The following DENND1A variants were observed in gnomAD, a reference collection of about 807,000 sequenced individuals.
DENND1A encodes the protein DENN domain containing 1A.
A neutral mutation model predicts 113.7 loss-of-function variants in DENND1A; 51 were observed. The observed-to-expected ratio is 0.45, with a 90% CI of 0.36 to 0.57. The LOEUF (loss-of-function observed/expected upper bound fraction) is 0.57, where lower values mean the gene tolerates loss of function less well. Among genes scored for constraint, DENND1A ranks in the 20% least tolerant of loss-of-function variants. DENND1A has a pLI of 0.00. For synonymous variants in DENND1A, 565 were observed against 570.8 expected, an observed-to-expected ratio of 0.99 and a Z score of 0.14; for missense variants, 1,258 against 1,395.9, an observed-to-expected ratio of 0.90 and a Z score of 1.57.
At chr9:123,868,058 A>G (rs1846032637) in intron 2 of DENND1A, among the ~76,000 whole-genome samples, 1 of 152,194 alleles carries the variant, frequency 6.6e-6, no homozygotes, top group South Asian at 2.1e-4. Flanking sequence ...CAGTTTTACC[A>G]CTGGACTTCT....
At chr9:123,846,749 T>C (rs1299903082) in intron 2 of DENND1A, among the ~76,000 whole-genome samples, 1 of 152,154 alleles carries the variant, frequency 6.6e-6, no homozygotes, top group Non-Finnish European at 1.5e-5. Flanking sequence ...TTATTTGAGG[T>C]GTTGAAAAGA....
intron 11 of DENND1A, among the ~76,000 whole-genome samples, chr9:123,596,361 T>G (rs1390172181): frequency 6.6e-6 from 1 of 152,268 alleles, no homozygotes; most frequent in African/African-American, 2.4e-5. Context: ...TGTTTACCAC[T>G]GGTACCTGTA....
intron 5 of DENND1A, among the ~76,000 whole-genome samples, chr9:123,710,804 C>T (rs1008529114): frequency 3.3e-5 from 5 of 151,862 alleles, no homozygotes; most frequent in Non-Finnish European, 7.4e-5. Context: ...TCCCAAGTAG[C>T]TGGGATTACA....
intron 5 of DENND1A, among the ~76,000 whole-genome samples, chr9:123,724,408 C>T (rs1040393415): frequency 2.6e-5 from 4 of 151,978 alleles, no homozygotes; most frequent in Admixed American, 6.6e-5. Context: ...ATGTTGGCTC[C>T]AGGCCAAATC....
At chr9:123,516,503 C>T (rs539687591) in intron 13 of DENND1A, among the ~76,000 whole-genome samples, 2 of 152,204 alleles carry the variant, frequency 1.3e-5, no homozygotes, top group African/African-American at 4.8e-5. Flanking sequence ...TAAAACAATT[C>T]ATTTCTCTTT....
intron 4 of DENND1A, among the ~76,000 whole-genome samples, chr9:123,766,656 T>A (rs73667918): frequency 0.078 from 11,831 of 152,254 alleles, 932 homozygotes; most frequent in African/African-American, 0.2. Flanking sequence ...CAGAGAACCT[T>A]GGGCAAGTCC....
intron 1 of DENND1A, among the ~76,000 whole-genome samples, chr9:123,885,704 G>A (rs78388482): frequency 0.039 from 5,888 of 152,306 alleles, 123 homozygotes; most frequent in Middle Eastern, 0.048. Context: ...AGCCAATAGA[G>A]CATTTCTATT....
At chr9:123,661,631 TA>T (rs1407270969) in intron 8 of DENND1A, among the ~76,000 whole-genome samples, 1 of 152,232 alleles carries the variant, frequency 6.6e-6, no homozygotes, top group African/African-American at 2.4e-5. Context: ...GCCTCACTCT[TA>T]AATGTGACGG....
intron 1 of DENND1A, among the ~76,000 whole-genome samples, chr9:123,916,236 G>T (rs10986135): frequency 0.013 from 1,936 of 152,110 alleles, 46 homozygotes; most frequent in Admixed American, 0.046. Context: ...CACATTCCCT[G>T]TATTTTTCCA....
intron 13 of DENND1A, among the ~76,000 whole-genome samples, chr9:123,533,527 C>T (rs2055494144): frequency 6.6e-6 from 1 of 152,186 alleles, no homozygotes; most frequent in Non-Finnish European, 1.5e-5. Context: ...CCATGGACTG[C>T]AGAAAGACAG....
chr9:123,735,856 G>A (rs955828213), intron 5 of DENND1A, among the ~76,000 whole-genome samples: 7 of 152,092 alleles, frequency 4.6e-5, no homozygotes, highest in South Asian at 4.2e-4. Context: ...AAAATTAGCC[G>A]GGCATGATGG....
At chr9:123,511,827 C>T (rs1473040651) in intron 13 of DENND1A, among the ~76,000 whole-genome samples, 1 of 152,190 alleles carries the variant, frequency 6.6e-6, no homozygotes, top group Non-Finnish European at 1.5e-5. Flanking sequence ...AGAAGAGCTG[C>T]AGCCCAGCTT....
intron 1 of DENND1A, among the ~76,000 whole-genome samples, chr9:123,907,431 G>C (rs1193621324): frequency 6.6e-6 from 1 of 151,748 alleles, no homozygotes; most frequent in Non-Finnish European, 1.5e-5. Context: ...TGACATGATT[G>C]TATATCTAGA....
chr9:123,440,682 T>C (rs995465840), intron 18 of DENND1A, among the ~76,000 whole-genome samples, 191 bp from the exon 19 acceptor site: 1 of 152,230 alleles, frequency 6.6e-6, no homozygotes, highest in Non-Finnish European at 1.5e-5. Flanking sequence ...ACCCAAACCA[T>C]CCATGTGAAG....
At chr9:123,851,022 C>T (rs1843264848) in intron 2 of DENND1A, among the ~76,000 whole-genome samples, 1 of 151,936 alleles carries the variant, frequency 6.6e-6, no homozygotes, top group African/African-American at 2.4e-5. Context: ...TTTCAAGAGA[C>T]ACGTCTTCAA....
At chr9:123,917,294 C>A (rs561950004) in intron 1 of DENND1A, among the ~76,000 whole-genome samples, 1 of 152,168 alleles carries the variant, frequency 6.6e-6, no homozygotes, top group Non-Finnish European at 1.5e-5. Flanking sequence ...TGACTACAGT[C>A]CCAGTGAAAT....
At chr9:123,458,467 GA>G (rs2048300322) in intron 13 of DENND1A, among the ~76,000 whole-genome samples, 1 of 152,170 alleles carries the variant, frequency 6.6e-6, no homozygotes, top group African/African-American at 2.4e-5. Flanking sequence ...CTGTTTCAGA[GA>G]GGAAGAGTCA....
chr9:123,480,858 G>T (rs2050277678), intron 13 of DENND1A, among the ~76,000 whole-genome samples: 1 of 152,192 alleles, frequency 6.6e-6, no homozygotes, highest in Non-Finnish European at 1.5e-5. Flanking sequence ...ATGAAATGAA[G>T]CTGCTTTCCG....
chr9:123,473,410 C>T (rs2049615400), intron 13 of DENND1A, among the ~76,000 whole-genome samples: 1 of 152,128 alleles, frequency 6.6e-6, no homozygotes, highest in African/African-American at 2.4e-5. Context: ...CAGCCGTTTA[C>T]ACCGCTCCTG....
Sources: gnomAD v4.1 joint callset for allele counts (sites outside exome capture counted in the v4.1 genomes callset) on GRCh38, gnomAD v4.1.1 for gene constraint, MANE v1.5 for transcripts, NCBI Gene and HGNC (gene_info 2026-07-23, HGNC 2026-07-21) for gene names.